NTM: variants seen among roughly 807,000 people sequenced by gnomAD.
NTM encodes the protein neurotrimin, also known as IgLON family member 2.
NTM carries 13 observed loss-of-function variants against 42.1 expected under a neutral mutation model. That is an observed-to-expected ratio of 0.31 (90% CI 0.20 to 0.49). NTM has a LOEUF of 0.49. Ranked by LOEUF, NTM falls within the 20% of genes least tolerant of loss-of-function variation. The pLI, the probability that NTM is intolerant of heterozygous loss-of-function variation, is 0.99. For synonymous variants in NTM, 187 were observed against 179.2 expected, an observed-to-expected ratio of 1.04 and a Z score of -0.35; for missense variants, 373 against 452.8, an observed-to-expected ratio of 0.82 and a Z score of 1.60.
At chr11:132,117,413 T>C (rs1196017743) in intron 2 of NTM, among the ~76,000 whole-genome samples, 1 of 152,254 alleles carries the variant, frequency 6.6e-6, no homozygotes, top group South Asian at 2.1e-4. Flanking sequence ...GGCCATGTGA[T>C]GGACAATACC....
intron 7 of NTM, among the ~76,000 whole-genome samples, chr11:132,317,175 G>A (rs543928955): frequency 6.6e-6 from 1 of 152,162 alleles, no homozygotes; most frequent in South Asian, 2.1e-4. Flanking sequence ...GCTTGCAGGG[G>A]CCTCTGAGAG....
At chr11:131,686,418 T>C (rs1442313240) in intron 1 of NTM, among the ~76,000 whole-genome samples, 2 of 151,916 alleles carry the variant, frequency 1.3e-5, no homozygotes, top group Non-Finnish European at 2.9e-5. Flanking sequence ...ATTAAGAAAA[T>C]AGTAAGGAAG....
chr11:131,947,062 A>G (rs77956034), intron 2 of NTM, among the ~76,000 whole-genome samples: 7,156 of 152,338 alleles, frequency 0.047, 221 homozygotes, highest in Middle Eastern at 0.11. Flanking sequence ...CTGTACAGAC[A>G]TTTCCAGAAA....
At chr11:131,591,323 C>A (rs1442434617) in intron 1 of NTM, among the ~76,000 whole-genome samples, 1 of 152,228 alleles carries the variant, frequency 6.6e-6, no homozygotes, top group African/African-American at 2.4e-5. Context: ...TGACTTCCCG[C>A]AGAGACAAGC....
chr11:131,838,408 A>G (rs991331030), intron 1 of NTM, among the ~76,000 whole-genome samples: 5 of 152,204 alleles, frequency 3.3e-5, no homozygotes, highest in African/African-American at 4.8e-5. Context: ...AGGTCAGAGC[A>G]ATGGCTTTGG....
intron 2 of NTM, among the ~76,000 whole-genome samples, chr11:132,139,586 G>A (rs545976585): frequency 3.3e-5 from 5 of 152,334 alleles, no homozygotes; most frequent in African/African-American, 4.8e-5. Flanking sequence ...GGTGCACAGA[G>A]CAAAGGCTTC....
At chr11:131,935,380 TG>T (rs1167619854) in intron 2 of NTM, among the ~76,000 whole-genome samples, 2 of 152,222 alleles carry the variant, frequency 1.3e-5, no homozygotes. Flanking sequence ...TCGGGCTTTT[TG>T]TTTTTACTTC....
At chr11:131,393,676 C>T (rs2135609530) in intron 1 of NTM, among the ~76,000 whole-genome samples, 1 of 152,318 alleles carries the variant, frequency 6.6e-6, no homozygotes, top group South Asian at 2.1e-4. Context: ...CTACCTTTGG[C>T]CCATGCCTCT....
chr11:131,531,051 C>T (rs1442933171), intron 1 of NTM, among the ~76,000 whole-genome samples: 1 of 152,290 alleles, frequency 6.6e-6, no homozygotes, highest in East Asian at 1.9e-4. Context: ...TTAAAGGGAA[C>T]CTGTTATTTC....
rs115347765 is a variant in NTM at position 131,919,664 on chromosome 11, C to A, written c.167+8016C>A. The stretch of plus-strand genomic sequence containing the variant: ...AACAGGACCGTTATTACCCATCTCA[C>A]AGTGTTGTTTTAGGTTAAAATGAGA... On this transcript the variant is annotated intron_variant, in intron 2 of 8. Transcript: ENST00000683400. 4.3e-3 allele frequency among the ~76,000 whole-genome samples: 649 copies of A among 152,256 alleles called. 2 individuals carry two copies. The highest frequency in any genetic ancestry group is 0.014 in the African/African-American group (597 of 41,538).
intron 5 of NTM, among the ~76,000 whole-genome samples, chr11:132,308,233 G>A (rs1004777901): frequency 6.6e-6 from 1 of 152,196 alleles, no homozygotes; most frequent in African/African-American, 2.4e-5. Flanking sequence ...ATGTGCTAGA[G>A]TGTATGAAGG....
chr11:131,953,010 G>T (rs2134381470), intron 2 of NTM, among the ~76,000 whole-genome samples: 1 of 152,278 alleles, frequency 6.6e-6, no homozygotes, highest in Non-Finnish European at 1.5e-5. Flanking sequence ...TAACTTGTTT[G>T]TTTGGTGCCA....
chr11:131,517,759 T>A (rs897171074), intron 1 of NTM, among the ~76,000 whole-genome samples: 7 of 152,284 alleles, frequency 4.6e-5, no homozygotes, highest in Admixed American at 1.3e-4. Context: ...CCTTCAGATG[T>A]TGGATCTAAC....
In NTM at chr11:131,469,099, C is replaced by T. The variant is rs1952171715; in HGVS notation, c.82+98211C>T. 2.0e-5 allele frequency among the ~76,000 whole-genome samples: 3 copies of T among 152,306 alleles called. No individual in the cohort carries two copies. The South Asian group carries it at 6.2e-4, about 32-fold the overall frequency. On this transcript the variant is annotated intron_variant, in intron 1 of 8. Coordinates refer to ENST00000683400, the MANE Select transcript of NTM (RefSeq NM_001352005.2). ...CAGAGCTGGCTGCTGCTCTCTGTTG[C>T]AAATCCAAGCTCCGTTTCATCCTTT...
At chr11:131,633,435 A>G (rs1340332829) in intron 1 of NTM, among the ~76,000 whole-genome samples, 1 of 152,198 alleles carries the variant, frequency 6.6e-6, no homozygotes, top group Non-Finnish European at 1.5e-5. Flanking sequence ...AGAGTTTTCT[A>G]TAAAGTTTTG....
At chr11:132,141,964 T>C (rs2069249717) in intron 2 of NTM, among the ~76,000 whole-genome samples, 1 of 152,086 alleles carries the variant, frequency 6.6e-6, no homozygotes, top group African/African-American at 2.4e-5. Context: ...GCGGGGCAAC[T>C]GGAGGGCAAC....
At position 132,258,139 on chromosome 11, in the gene NTM, C is replaced by A. The variant is rs76654205; in HGVS notation, c.526+45992C>A. Among the ~76,000 whole-genome samples the A allele has an allele frequency of 2.2e-4, 34 of 152,332 alleles. No homozygotes were observed. The East Asian group carries it at 6.6e-3, about 29-fold the overall frequency. On this transcript the variant is annotated intron_variant, in intron 4 of 8. Transcript: ENST00000683400. ...GCCATGCGGCATCTCTAATTAGAAC[C>A]CAGGCTGGAACATTCAGCTTAATGA...
chr11:131,467,994 C>G (rs1952057171), intron 1 of NTM, among the ~76,000 whole-genome samples: 1 of 152,190 alleles, frequency 6.6e-6, no homozygotes, highest in Non-Finnish European at 1.5e-5. Context: ...CCGAAACGTT[C>G]CAAAACTTCT....
intron 5 of NTM, among the ~76,000 whole-genome samples, chr11:132,309,164 G>C (rs997994351): frequency 5.9e-5 from 9 of 152,174 alleles, no homozygotes; most frequent in Admixed American, 1.3e-4. Flanking sequence ...CAATATTTCT[G>C]CATTAAATAG....
Sources: gnomAD v4.1 joint callset for allele counts (sites outside exome capture counted in the v4.1 genomes callset) on GRCh38, gnomAD v4.1.1 for gene constraint, MANE v1.5 for transcripts, NCBI Gene and HGNC (gene_info 2026-07-23, HGNC 2026-07-21) for gene names.